Variants in HEPHL1 observed in about 807,000 individuals in gnomAD.
The protein encoded by HEPHL1 is ferroxidase HEPHL1.
A neutral mutation model predicts 122.0 loss-of-function variants in HEPHL1; 123 were observed. The observed-to-expected ratio is 1.01, with a 90% CI of 0.87 to 1.17. HEPHL1 has a LOEUF of 1.17. Ranked by LOEUF, HEPHL1 falls within the 50% of genes most tolerant of loss-of-function variation. The probability of loss-of-function intolerance (pLI) is 0.00; values close to 1 mark genes in which losing one functional copy is unlikely to be tolerated. For synonymous variants in HEPHL1, 527 were observed against 508.9 expected (o/e 1.04, Z -0.48); for missense variants, 1,452 against 1,430.5 (o/e 1.01, Z -0.24).
chr11:94,081,099 G>A (rs1466794690), intron 9 of HEPHL1, among the ~76,000 whole-genome samples: 3 of 152,192 alleles, frequency 2.0e-5, no homozygotes, highest in Non-Finnish European at 4.4e-5. Flanking sequence ...GTACACCATG[G>A]AATATCATGC....
chr11:94,088,710 A>G, intron 11 of HEPHL1, 45 bp from the exon 12 acceptor site: 2 of 1,489,524 alleles, frequency 1.3e-6, no homozygotes, highest in Non-Finnish European at 1.8e-6. Flanking sequence ...ATCACCAACA[A>G]AAATACCGAG....
chr11:94,095,194 A>G (rs1477494862), intron 13 of HEPHL1, among the ~76,000 whole-genome samples: 1 of 152,224 alleles, frequency 6.6e-6, no homozygotes, highest in African/African-American at 2.4e-5. Flanking sequence ...GAAGGGATCC[A>G]GTTTCAGCTT....
chr11:94,094,962 G>A (rs530995949), intron 13 of HEPHL1, among the ~76,000 whole-genome samples: 1 of 152,144 alleles, frequency 6.6e-6, no homozygotes, highest in Non-Finnish European at 1.5e-5. Flanking sequence ...TCACTCTGAT[G>A]GTAGTTTCTT....
intron 16 of HEPHL1, among the ~76,000 whole-genome samples, chr11:94,105,607 C>T (rs1381144303): frequency 1.3e-5 from 2 of 152,108 alleles, no homozygotes. Flanking sequence ...AAGAAAATAC[C>T]TTCTAAGTCA....
chr11:94,097,176 A>G (rs1946323774), intron 13 of HEPHL1, among the ~76,000 whole-genome samples: 1 of 152,164 alleles, frequency 6.6e-6, no homozygotes, highest in Non-Finnish European at 1.5e-5. Context: ...ATTTCCCTCT[A>G]CACACTGCTT....
In HEPHL1 at chr11:94,071,190, A is replaced by G. The variant is rs371643647; in HGVS notation, c.1232+648A>G. ...ATCTGGACTCCTGTGACTTGTTAGT[A>G]TATAATCATATGCAAAGTTGTCTGT... On this transcript the variant is annotated intron_variant, in intron 6 of 19. Transcript: ENST00000315765. Among the ~76,000 whole-genome samples, 37 of 152,292 alleles carry G rather than the reference A, an allele frequency of 2.4e-4. No individual in the cohort carries two copies. The East Asian group carries it at 6.6e-3, about 27-fold the overall frequency.
chr11:94,111,020 A>G lies in HEPHL1; in HGVS notation c.3163A>G (p.Ile1055Val). 1.9e-6 allele frequency: 3 copies of G among 1,608,430 alleles called. No homozygotes were observed. Among genetic ancestry groups the G allele is most frequent in the Non-Finnish European group, 2.5e-6 (3 of 1,176,978 alleles). The change falls in exon 18 of 20, where the codon ATC becomes GTC. Residue 1055 changes from isoleucine (I) to valine (V), a missense_variant. Coordinates refer to ENST00000315765, the MANE Select transcript of HEPHL1 (RefSeq NM_001098672.2). ...GCTACACTGTCATGTGTCTGACCACATCCATGCTGGCATGGAGACAACCTA... is the reference window on the plus strand; with the variant it reads ...GCTACACTGTCATGTGTCTGACCACGTCCATGCTGGCATGGAGACAACCTA... ...WLLHCHVSDH[I>V]HAGMETTYTV...
rs752183645 is a variant in HEPHL1 at position 94,101,234 on chromosome 11, T to C, written c.2474T>C (p.Ile825Thr). The change falls in exon 14 of 20, where the codon ATC (isoleucine) becomes ACC (threonine). Residue 825 changes from isoleucine to threonine, a missense_variant. Ile to Thr is a moderately conservative substitution (Grantham distance 89). Coordinates refer to ENST00000315765, the MANE Select transcript of HEPHL1 (RefSeq NM_001098672.2). ...GCTGAGGTGGGCAACACCGTCCTGATCATATTTAAGAACAAAGCCAGTAGG... is the reference window on the plus strand; with the variant it reads ...GCTGAGGTGGGCAACACCGTCCTGACCATATTTAAGAACAAAGCCAGTAGG... ...IHAEVGNTVL[I>T]IFKNKASRPY... 2 of 1,613,990 alleles carry C rather than the reference T, an allele frequency of 1.2e-6. No individual in the cohort carries two copies. The highest frequency in any genetic ancestry group is 4.5e-5 in the East Asian group (2 of 44,880).
At chr11:94,075,611 G>T (rs530844922) in intron 9 of HEPHL1, among the ~76,000 whole-genome samples, 1 of 152,220 alleles carries the variant, frequency 6.6e-6, no homozygotes, top group South Asian at 2.1e-4. Context: ...TCTGCTTGTT[G>T]TGGTTAGGAT....
chr11:94,101,333 C>A lies in HEPHL1; in HGVS notation c.2573C>A (p.Pro858Gln). ...CAATTCCAAGTGCCCATGACAAAAC[C>A]AGGTAAGTTGTGTCAGAGGTCTGCT... ...GKQFQVPMTK[P>Q]GEVKTYRWNI... Residue 858 changes from proline (P) to glutamine (Q), a missense_variant and splice_region_variant, in exon 14 of 20, where the codon CCA (proline) becomes CAA (glutamine). Coordinates refer to ENST00000315765, the MANE Select transcript of HEPHL1 (RefSeq NM_001098672.2). 6.2e-7 allele frequency: 1 copy of A among 1,611,900 alleles called. No individual in the cohort carries two copies. The highest frequency in any genetic ancestry group is 8.5e-7 in the Non-Finnish European group (1 of 1,178,564).
At chr11:94,022,616 G>A (rs185434317) in intron 1 of HEPHL1, among the ~76,000 whole-genome samples, 1 of 152,218 alleles carries the variant, frequency 6.6e-6, no homozygotes, top group Non-Finnish European at 1.5e-5. Context: ...CAAAGATGAA[G>A]CCTGTGCCAG....
chr11:94,067,794 A>C (rs1392773570), intron 5 of HEPHL1, 44 bp downstream of exon 5: 1 of 1,587,954 alleles, frequency 6.3e-7, no homozygotes, highest in Non-Finnish European at 8.6e-7. Context: ...AGAATGGTAC[A>C]ATCAAACCAC....
chr11:94,088,295 T>A (rs1027967049), intron 11 of HEPHL1, among the ~76,000 whole-genome samples: 1 of 152,340 alleles, frequency 6.6e-6, no homozygotes. Flanking sequence ...ACTTACATAT[T>A]TATTGCACTT....
chr11:94,091,633 A>C (rs182476480), intron 12 of HEPHL1, among the ~76,000 whole-genome samples: 3 of 152,288 alleles, frequency 2.0e-5, no homozygotes, highest in Admixed American at 1.3e-4. Flanking sequence ...CTTTAGAACA[A>C]GTATGTTCTA....
intron 1 of HEPHL1, among the ~76,000 whole-genome samples, chr11:94,022,159 G>A (rs1945587336): frequency 1.3e-5 from 2 of 152,126 alleles, no homozygotes; most frequent in Non-Finnish European, 2.9e-5. Flanking sequence ...AGGTGAGATG[G>A]CGCCACGGTG....
intron 18 of HEPHL1, 132 bp downstream of exon 18, chr11:94,111,197 A>C: frequency 1.4e-6 from 1 of 708,452 alleles, no homozygotes; most frequent in Non-Finnish European, 2.3e-6. Context: ...CATATATGTA[A>C]ATATGTAACT....
chr11:94,024,828 C>A (rs1210063728), intron 1 of HEPHL1, among the ~76,000 whole-genome samples: 2 of 152,156 alleles, frequency 1.3e-5, no homozygotes, highest in Non-Finnish European at 2.9e-5. Flanking sequence ...GGCGTATATT[C>A]AATAATCCCC....
At position 94,063,497 on chromosome 11, in the gene HEPHL1, T is replaced by C. The variant is rs1239563216; in HGVS notation, c.416-11T>C. The C allele has an allele frequency of 6.4e-7, 1 of 1,564,660 alleles. No homozygotes were observed. Among genetic ancestry groups the C allele is most frequent in the Admixed American group, 1.9e-5 (1 of 52,586 alleles). On this transcript the variant is annotated splice_polypyrimidine_tract_variant and intron_variant, in intron 2 of 19. Coordinates refer to ENST00000315765, the MANE Select transcript of HEPHL1 (RefSeq NM_001098672.2). Reference sequence around the variant, plus strand: ...TGTTTTACCTTTTTTTTTAATTTTATTTTTTGGAAGGAGCCCTATACCCAG... The same window carrying C: ...TGTTTTACCTTTTTTTTTAATTTTACTTTTTGGAAGGAGCCCTATACCCAG...
At position 94,093,100 on chromosome 11, in the gene HEPHL1, A is replaced by ATG. The variant is rs58076312; in HGVS notation, c.2295-372_2295-371dup. 8.6e-3 allele frequency among the ~76,000 whole-genome samples: 1,281 copies of ATG among 148,898 alleles called. 9 individuals carry two copies. Among genetic ancestry groups the ATG allele is most frequent in the Middle Eastern group, 0.017 (5 of 288 alleles). On this transcript the variant is annotated intron_variant, in intron 12 of 19. Coordinates refer to ENST00000315765, the MANE Select transcript of HEPHL1 (RefSeq NM_001098672.2). ...TCAGGGTGGTAGAGGGTGGACGTGT[A>ATG]TGTGTGTGTGTGTGTGTGTGTGTGT...
Sources: gnomAD v4.1 joint callset for allele counts (sites outside exome capture counted in the v4.1 genomes callset) on GRCh38, gnomAD v4.1.1 for gene constraint, MANE v1.5 for transcripts, NCBI Gene and HGNC (gene_info 2026-07-23, HGNC 2026-07-21) for gene names.